The following TRIM9 variants were observed in gnomAD, a reference collection of about 807,000 sequenced individuals.
The protein encoded by TRIM9 is tripartite motif containing 9.
TRIM9 carries 26 observed loss-of-function variants against 78.3 expected under a neutral mutation model. The ratio of observed to expected loss-of-function variants is 0.33; its 90% CI spans 0.24 to 0.46. The LOEUF is 0.46. TRIM9 is among the 20% of genes least tolerant of loss of function. TRIM9 has a pLI of 1.00. For synonymous variants in TRIM9, 398 were observed against 416.5 expected (o/e 0.96, Z 0.54); for missense variants, 787 against 1,036.4 (o/e 0.76, Z 3.30).
chr14:51,025,247 C>T lies in TRIM9; in HGVS notation c.918+18G>A, dbSNP rs1320991117. ...TATTAACCGGCGGGTTTCCTTGCGT[C>T]CCAGGTAACACCCATACCTGGATCT... On this transcript the variant is annotated intron_variant, in intron 2 of 12. Transcript: ENST00000684578. 1 of 1,608,608 alleles carries T rather than the reference C, an allele frequency of 6.2e-7. No individual in the cohort carries two copies. The highest frequency in any genetic ancestry group is 8.5e-7 in the Non-Finnish European group (1 of 1,175,332).
intron 1 of TRIM9, among the ~76,000 whole-genome samples, chr14:51,062,898 T>C (rs1315023098): frequency 6.6e-6 from 1 of 152,184 alleles, no homozygotes; most frequent in Non-Finnish European, 1.5e-5. Context: ...ACTTTATAGA[T>C]ACCTTGGAAT....
intron 1 of TRIM9, among the ~76,000 whole-genome samples, chr14:51,060,386 C>T (rs978862964): frequency 3.3e-5 from 5 of 152,156 alleles, no homozygotes; most frequent in Admixed American, 1.3e-4. Flanking sequence ...TTTATACAAC[C>T]ACACAGTATG....
Position 51,094,825 on chromosome 14 carries a change from C to A in TRIM9, c.115G>T (p.Val39Leu). The change falls in exon 1 of 13, where the codon GTG (valine) becomes TTG (leucine). Residue 39 changes from valine (V) to leucine (L), a missense_variant. By Grantham distance (32) the Val-to-Leu change is conservative. Around this residue, in one of 3 missense-constraint regions of TRIM9, gnomAD observed 352 missense variants for 472.3 expected, o/e 0.75. Coordinates refer to ENST00000684578, the MANE Select transcript of TRIM9 (RefSeq NM_001387360.1). Reference sequence around the variant, plus strand: ...GGGGATTCAGACTCTGGGGTCTGCACCAGGATGTTGCGGGCGCACGCCTGA... The same window carrying A: ...GGGGATTCAGACTCTGGGGTCTGCAACAGGATGTTGCGGGCGCACGCCTGA... ...LCQACARNIL[V>L]QTPESESPQS... The A allele has an allele frequency of 6.5e-7, 1 of 1,535,490 alleles. No individual in the cohort carries two copies. The highest frequency in any genetic ancestry group is 1.4e-5 in the African/African-American group (1 of 72,134).
chr14:51,025,102 G>T (rs1228118437), intron 2 of TRIM9, among the ~76,000 whole-genome samples, 163 bp downstream of exon 2: 1 of 152,196 alleles, frequency 6.6e-6, no homozygotes, highest in Non-Finnish European at 1.5e-5. Context: ...GAAGGGGTAT[G>T]TTTGAAGTTG....
At chr14:51,041,029 C>T (rs972623995) in intron 1 of TRIM9, among the ~76,000 whole-genome samples, 3 of 152,174 alleles carry the variant, frequency 2.0e-5, no homozygotes, top group Admixed American at 1.3e-4. Flanking sequence ...CCTTCCACAA[C>T]AAAATTAGTA....
intron 1 of TRIM9, among the ~76,000 whole-genome samples, chr14:51,071,371 C>G (rs1464944878): frequency 8.3e-6 from 1 of 120,532 alleles, no homozygotes; most frequent in Admixed American, 8.9e-5. Flanking sequence ...AGTGAAACTC[C>G]GTCTAAAAAA....
At chr14:51,086,338 A>G (rs1441111068) in intron 1 of TRIM9, among the ~76,000 whole-genome samples, 1 of 144,838 alleles carries the variant, frequency 6.9e-6, no homozygotes, top group East Asian at 1.9e-4. Context: ...GATTATGAAG[A>G]TTAAATGAGA....
chr14:51,025,801 G>T (rs1229514224), intron 1 of TRIM9, among the ~76,000 whole-genome samples: 1 of 151,568 alleles, frequency 6.6e-6, no homozygotes, highest in Admixed American at 6.6e-5. Flanking sequence ...TGAAGGAAGG[G>T]GTAGGTACTG....
chr14:51,011,070 T>C (rs779794483), intron 3 of TRIM9, among the ~76,000 whole-genome samples: 11 of 151,994 alleles, frequency 7.2e-5, no homozygotes, highest in Non-Finnish European at 1.0e-4. Flanking sequence ...TTGGGAGAGG[T>C]AATGAGCTAA....
intron 5 of TRIM9, among the ~76,000 whole-genome samples, chr14:51,008,872 ACT>A (rs1183291161): frequency 1.3e-5 from 2 of 152,018 alleles, no homozygotes; most frequent in African/African-American, 4.8e-5. Flanking sequence ...AATCTCTAAG[ACT>A]CTCAAAGAGG....
chr14:51,036,461 G>A (rs963150000), intron 1 of TRIM9, among the ~76,000 whole-genome samples: 2 of 152,122 alleles, frequency 1.3e-5, no homozygotes, highest in South Asian at 4.1e-4. Flanking sequence ...AGTGGAAAAG[G>A]GGAATGGGGA....
chr14:50,994,784 T>C (rs1216641469), intron 7 of TRIM9, among the ~76,000 whole-genome samples: 1 of 152,238 alleles, frequency 6.6e-6, no homozygotes, highest in Non-Finnish European at 1.5e-5. Context: ...GGCTATTAGA[T>C]GAATTAATTT....
At chr14:51,016,611 C>T (rs1015279771) in intron 3 of TRIM9, among the ~76,000 whole-genome samples, 1 of 151,662 alleles carries the variant, frequency 6.6e-6, no homozygotes, top group African/African-American at 2.4e-5. Flanking sequence ...AATAACATAA[C>T]ATTAATGATA....
intron 1 of TRIM9, among the ~76,000 whole-genome samples, chr14:51,080,455 AC>A (rs1462161862): frequency 1.3e-5 from 2 of 151,510 alleles, no homozygotes; most frequent in Non-Finnish European, 2.9e-5. Context: ...ACACACACAC[AC>A]ACACACACAC....
intron 1 of TRIM9, among the ~76,000 whole-genome samples, chr14:51,062,933 A>C (rs2061459490): frequency 6.6e-6 from 1 of 152,244 alleles, no homozygotes; most frequent in African/African-American, 2.4e-5. Flanking sequence ...CTAACAAAGT[A>C]GAATGCTAAG....
At chr14:51,083,930 C>T (rs1261950782) in intron 1 of TRIM9, among the ~76,000 whole-genome samples, 1 of 152,156 alleles carries the variant, frequency 6.6e-6, no homozygotes, top group Non-Finnish European at 1.5e-5. Context: ...CATCACTCAA[C>T]CCCTTGAAAA....
At chr14:51,006,307 TTGACA>T (rs1247780035) in intron 5 of TRIM9, among the ~76,000 whole-genome samples, 1 of 152,244 alleles carries the variant, frequency 6.6e-6, no homozygotes, top group Non-Finnish European at 1.5e-5. Flanking sequence ...GTGCAGTTTC[TTGACA>T]TATTTTTTAC....
chr14:51,094,555 G>A lies in TRIM9; in HGVS notation c.385C>T (p.Pro129Ser). Residue 129 changes from proline to serine, a missense_variant, in exon 1 of 13, where the codon CCC becomes TCC. By Grantham distance (74) the Pro-to-Ser change is moderately conservative (BLOSUM62 -1). Coordinates refer to ENST00000684578, the MANE Select transcript of TRIM9 (RefSeq NM_001387360.1). ...PVPRNSCITCPQCHRSLILDD... is the reference protein window; with the variant it reads ...PVPRNSCITCSQCHRSLILDD... ...AGGATGAGGCTGCGGTGACACTGGG[G>A]GCAGGTGATACAGGAGTTGCGGGGC... The A allele has an allele frequency of 6.2e-7, 1 of 1,613,008 alleles. No individual in the cohort carries two copies. Among genetic ancestry groups the A allele is most frequent in the South Asian group, 1.1e-5 (1 of 91,016 alleles).
intron 1 of TRIM9, among the ~76,000 whole-genome samples, chr14:51,083,000 G>A (rs1466041541): frequency 6.6e-6 from 1 of 152,154 alleles, no homozygotes; most frequent in Non-Finnish European, 1.5e-5. Context: ...TTCCTCATCT[G>A]TAAAATGAGA....
Sources: gnomAD v4.1 joint callset for allele counts (sites outside exome capture counted in the v4.1 genomes callset) on GRCh38, gnomAD v4.1.1 for gene constraint, gnomAD v4.1.1 regional missense constraint, MANE v1.5 for transcripts, NCBI Gene and HGNC (gene_info 2026-07-23, HGNC 2026-07-21) for gene names.